The following SETX variants were observed in gnomAD, a reference collection of about 807,000 sequenced individuals.
SETX encodes the protein helicase senataxin.
In SETX, 90 loss-of-function variants were observed where a neutral mutation model predicts 227.2. The observed-to-expected ratio is 0.40, with a 90% CI of 0.33 to 0.47. SETX has a LOEUF of 0.47. Among genes scored for constraint, SETX ranks in the 20% least tolerant of loss-of-function variants. The pLI is 0.91. For synonymous variants in SETX, 1,210 were observed against 1,113.2 expected, an observed-to-expected ratio of 1.09 and a Z score of -1.73; for missense variants, 3,052 against 3,181.5, an observed-to-expected ratio of 0.96 and a Z score of 0.98.
chr9:132,331,003 C>A (rs1362687177), intron 9 of SETX, 49 bp downstream of exon 9: 3 of 1,366,164 alleles, frequency 2.2e-6, no homozygotes, highest in Non-Finnish European at 3.1e-6. Context: ...ATAGTCTACA[C>A]AATATAAAGG....
intron 25 of SETX, among the ~76,000 whole-genome samples, chr9:132,266,671 CTAAGGCA>C (rs1842667776): frequency 6.6e-6 from 1 of 152,080 alleles, no homozygotes; most frequent in Non-Finnish European, 1.5e-5. Context: ...ACTTGAGATG[CTAAGGCA>C]TGAGAATCGC....
chr9:132,318,403 C>G (rs1846123647), intron 10 of SETX, among the ~76,000 whole-genome samples: 1 of 152,160 alleles, frequency 6.6e-6, no homozygotes, highest in Non-Finnish European at 1.5e-5. Flanking sequence ...GCAGATGTTC[C>G]CCTCTGAATT....
At chr9:132,310,972 TTTTTG>T (rs542704009) in intron 11 of SETX, among the ~76,000 whole-genome samples, 168 of 152,238 alleles carry the variant, frequency 1.1e-3, no homozygotes, top group African/African-American at 3.8e-3. Flanking sequence ...TTGTTTTTTG[TTTTTG>T]TTTTGTTTTG....
At chr9:132,318,089 G>A (rs1374338064) in intron 10 of SETX, among the ~76,000 whole-genome samples, 1 of 151,922 alleles carries the variant, frequency 6.6e-6, no homozygotes, top group Non-Finnish European at 1.5e-5. Flanking sequence ...GTGATAACTT[G>A]TGGGAGATCT....
At chr9:132,344,861 A>G (rs890340252) in intron 4 of SETX, among the ~76,000 whole-genome samples, 43 of 83,634 alleles carry the variant, frequency 5.1e-4, no homozygotes, top group Admixed American at 2.3e-3. Flanking sequence ...GGCGACAGTG[A>G]GACTCTTTAA....
chr9:132,274,591 G>A (rs1330752484), intron 23 of SETX, among the ~76,000 whole-genome samples: 26 of 151,776 alleles, frequency 1.7e-4, no homozygotes, highest in Admixed American at 1.6e-3. Context: ...ACGGGAGCGC[G>A]CCACCACGCC....
At position 132,295,106 on chromosome 9, in the gene SETX, T is replaced by C. The variant is rs191542569; in HGVS notation, c.6106+766A>G. Among the ~76,000 whole-genome samples, 445 of 152,236 alleles carry C rather than the reference T, an allele frequency of 2.9e-3. 1 individual carries two copies. The highest frequency in any genetic ancestry group is 4.0e-3 in the Non-Finnish European group (272 of 67,978). On this transcript the variant is annotated intron_variant, in intron 15 of 25. Transcript: ENST00000224140. ...CAACACAAGTGATATGAAAAATAAG[T>C]GTTAAGGTTAAATAAAATGAAATAA...
At position 132,326,188 on chromosome 9, in the gene SETX, T is replaced by C. The variant is rs1589733437; in HGVS notation, c.5274+136A>G. On this transcript the variant is annotated intron_variant, in intron 10 of 25. Coordinates refer to ENST00000224140, the MANE Select transcript of SETX (RefSeq NM_015046.7). ...GTTTAAGCAATTCTCTGCCTCAGCCTCCCGAGTAGCTGGGATTACAGGTGC... is the reference window on the plus strand; with the variant it reads ...GTTTAAGCAATTCTCTGCCTCAGCCCCCCGAGTAGCTGGGATTACAGGTGC... 3 of 715,840 alleles carry C rather than the reference T, an allele frequency of 4.2e-6. No homozygotes were observed. In the South Asian group the frequency reaches 4.9e-5, roughly 12 times the overall value. 44.3% of individuals were successfully genotyped at this position (715,840 alleles called of 1,614,324 possible).
chr9:132,275,545 A>AT lies in SETX; in HGVS notation c.6936-126dup, dbSNP rs550502937. 2.4e-5 allele frequency: 19 copies of AT among 781,934 alleles called. No homozygotes were observed. The African/African-American group carries it at 2.8e-4, about 11-fold the overall frequency. 48.4% of individuals were successfully genotyped at this position (781,934 alleles called of 1,614,324 possible). A position where few individuals can be genotyped will look rare whatever the true frequency, so the allele number is the denominator to read the frequency against. ...GGCAGGCAGATAGGCTTCATCTTTT[A>AT]TTCAGCTAGCAGTGACTCCAAGAGG... On this transcript the variant is annotated intron_variant, in intron 22 of 25. Transcript: ENST00000224140.
chr9:132,315,268 C>T (rs1016881069), intron 10 of SETX, among the ~76,000 whole-genome samples: 1 of 152,126 alleles, frequency 6.6e-6, no homozygotes, highest in African/African-American at 2.4e-5. Context: ...AAAGAAGTTC[C>T]TGCAGCACTG....
chr9:132,295,755 AC>A, intron 15 of SETX, 116 bp downstream of exon 15: 1 of 948,542 alleles, frequency 1.1e-6, no homozygotes, highest in Non-Finnish European at 1.6e-6. Flanking sequence ...CTCACAAGCC[AC>A]AGATTCAAGT....
Position 132,346,448 on chromosome 9 carries a change from T to G in SETX, c.201A>C (p.Leu67Phe). Residue 67 changes from leucine (L) to phenylalanine (F), a missense_variant, in exon 4 of 26, where the codon TTA becomes TTC. Leu to Phe is a conservative substitution (Grantham distance 22). Transcript: ENST00000224140. ...ATTTTTCAAAGTGATTTATGAGACG[T>G]AAGGTTTCTAATTCCCATAAAACCT... ...LHEVLWELET[L>F]RLINHFEKSM... 6.2e-7 allele frequency: 1 copy of G among 1,612,276 alleles called. No individual in the cohort carries two copies. Among genetic ancestry groups the G allele is most frequent in the South Asian group, 1.1e-5 (1 of 90,930 alleles).
At position 132,294,662 on chromosome 9, in the gene SETX, C is replaced by T. The variant is rs139762362; in HGVS notation, c.6106+1210G>A. 6.2e-3 allele frequency among the ~76,000 whole-genome samples: 939 copies of T among 152,330 alleles called. 7 individuals carry two copies. Among genetic ancestry groups the T allele is most frequent in the African/African-American group, 0.021 (873 of 41,570 alleles). On this transcript the variant is annotated intron_variant, in intron 15 of 25. Transcript: ENST00000224140. ...AGGAAATAAGCAGAGGCGCTATTGGCAGGACCTAGAAACTTTCCTTGTAAC... is the reference window on the plus strand; with the variant it reads ...AGGAAATAAGCAGAGGCGCTATTGGTAGGACCTAGAAACTTTCCTTGTAAC...
intron 11 of SETX, among the ~76,000 whole-genome samples, chr9:132,305,120 C>A (rs1337477833): frequency 6.6e-6 from 1 of 151,820 alleles, no homozygotes; most frequent in African/African-American, 2.4e-5. Context: ...TTTGGGAGGC[C>A]GAGGCGGGCG....
chr9:132,332,955 T>A (rs1047876594), intron 7 of SETX, among the ~76,000 whole-genome samples: 2 of 151,456 alleles, frequency 1.3e-5, no homozygotes, highest in South Asian at 4.2e-4. Flanking sequence ...TTTTTTAAGA[T>A]GGTTAAGGGA....
chr9:132,288,242 T>C lies in SETX; in HGVS notation c.6318A>G (p.Glu2106=). 6.2e-7 allele frequency: 1 copy of C among 1,613,636 alleles called. No homozygotes were observed. Among genetic ancestry groups the C allele is most frequent in the East Asian group, 2.2e-5 (1 of 44,884 alleles). ...RQRALCRGGR[E]IQRQELDENI... ...TCAAGAAATGCAAAGATACCTGTAT[T>C]TCCCGTCCACCTCGGCATAGAGCTC... The change falls in exon 17 of 26, where the codon GAA becomes GAG. Residue 2106 remains glutamate, a synonymous_variant. Coordinates refer to ENST00000224140, the MANE Select transcript of SETX (RefSeq NM_015046.7).
At chr9:132,338,624 T>C (rs1847782183) in intron 5 of SETX, among the ~76,000 whole-genome samples, 1 of 152,226 alleles carries the variant, frequency 6.6e-6, no homozygotes, top group Admixed American at 6.5e-5. Context: ...GTCTTATTAT[T>C]TCCCTGATCA....
In SETX at chr9:132,310,992, T is replaced by G. The variant is rs1363580716; in HGVS notation, c.5374+765A>C. On this transcript the variant is annotated intron_variant, in intron 11 of 25. Transcript: ENST00000224140. ...TTTTGTTTTTGTTTTGTTTTGTTTT[T>G]GAGACAGTCTCTGTGCCAGGCTGGA... 2.6e-5 allele frequency among the ~76,000 whole-genome samples: 4 copies of G among 152,196 alleles called. No homozygotes were observed. In the East Asian group the frequency reaches 7.7e-4, roughly 29 times the overall value.
chr9:132,280,734 A>G (rs1286229298), intron 20 of SETX, among the ~76,000 whole-genome samples: 1 of 152,188 alleles, frequency 6.6e-6, no homozygotes, highest in Non-Finnish European at 1.5e-5. Context: ...ATTAGTAAAA[A>G]ATACACATTT....
Sources: allele counts gnomAD v4.1 joint callset (sites outside exome capture counted in the v4.1 genomes callset), GRCh38; gene constraint gnomAD v4.1.1; transcripts MANE v1.5; gene names NCBI Gene and HGNC (gene_info 2026-07-23, HGNC 2026-07-21).